CDH2: variants seen among roughly 807,000 people sequenced by gnomAD.
The protein encoded by CDH2 is cadherin-2.
In CDH2, 17 loss-of-function variants were observed where a neutral mutation model predicts 92.0. That is an observed-to-expected ratio of 0.18 (90% CI 0.13 to 0.28). The LOEUF (loss-of-function observed/expected upper bound fraction) is 0.28, where lower values mean the gene tolerates loss of function less well. Ranked by LOEUF, CDH2 falls within the 10% of genes least tolerant of loss-of-function variation. The pLI, the probability that CDH2 is intolerant of heterozygous loss-of-function variation, is 1.00. For missense variants in CDH2, 862 were observed against 1,133.1 expected, an observed-to-expected ratio of 0.76 and a Z score of 3.44; for synonymous variants, 419 against 415.9, an observed-to-expected ratio of 1.01 and a Z score of -0.09.
intron 14 of CDH2, among the ~76,000 whole-genome samples, chr18:27,970,303 T>C (rs1458575129): frequency 6.6e-6 from 1 of 152,174 alleles, no homozygotes; most frequent in Non-Finnish European, 1.5e-5. Context: ...GGGTTCCATG[T>C]TTTCACCTCG....
intron 15 of CDH2, among the ~76,000 whole-genome samples, chr18:27,957,648 G>A (rs8098761): frequency 0.36 from 53,943 of 151,872 alleles, 10,664 homozygotes; most frequent in Non-Finnish European, 0.46. Context: ...CCAACACACT[G>A]CCTGACATTC....
At chr18:28,007,165 A>AAAAAAAATATATATATATAT (rs1172779200) in intron 5 of CDH2, among the ~76,000 whole-genome samples, 1 of 110,502 alleles carries the variant, frequency 9.0e-6, no homozygotes, top group African/African-American at 4.4e-5. Context: ...ATAAAAAAAA[A>AAAAAAAATATATATATATAT]ATATATATAT....
At chr18:28,055,179 A>C (rs2144134289) in intron 2 of CDH2, among the ~76,000 whole-genome samples, 1 of 152,306 alleles carries the variant, frequency 6.6e-6, no homozygotes, top group Middle Eastern at 3.4e-3. Context: ...ATGAGAGCCA[A>C]GCAAAAGGGG....
intron 2 of CDH2, among the ~76,000 whole-genome samples, chr18:28,078,691 T>G (rs1271409469): frequency 1.3e-5 from 2 of 148,704 alleles, no homozygotes; most frequent in African/African-American, 5.0e-5. Context: ...TTTTTTTTTT[T>G]GCATGAAATA....
At chr18:28,105,730 C>T (rs1052458567) in intron 2 of CDH2, among the ~76,000 whole-genome samples, 1 of 152,076 alleles carries the variant, frequency 6.6e-6, no homozygotes, top group African/African-American at 2.4e-5. Flanking sequence ...GAAAAATATC[C>T]ACCCACATCA....
rs17522582 is a variant in CDH2 at position 28,017,528 on chromosome 18, G to A, written c.173-3619C>T. Among the ~76,000 whole-genome samples the A allele has an allele frequency of 9.2e-3, 1,392 of 151,920 alleles. 28 individuals are homozygous for A. The highest frequency in any genetic ancestry group is 0.032 in the African/African-American group (1,324 of 41,412). On this transcript the variant is annotated intron_variant, in intron 2 of 15. Coordinates refer to ENST00000269141, the MANE Select transcript of CDH2 (RefSeq NM_001792.5). ...TCTTTTCTTGGTTAATCTCGTTAAC[G>A]GTCTACTAGTTTTACTTATCTTTCA...
At chr18:28,071,711 C>T (rs576808364) in intron 2 of CDH2, among the ~76,000 whole-genome samples, 19 of 152,306 alleles carry the variant, frequency 1.2e-4, no homozygotes, top group African/African-American at 2.6e-4. Context: ...AATACTGTCA[C>T]TTAAGTATTC....
At chr18:27,996,850 C>T (rs1350118379) in intron 7 of CDH2, among the ~76,000 whole-genome samples, 2 of 152,182 alleles carry the variant, frequency 1.3e-5, no homozygotes. Context: ...AAGCCATCTT[C>T]TATTCACATG....
Position 27,951,080 on chromosome 18 carries a change from CTT to C in CDH2, c.*1071_*1072del, listed in dbSNP as rs1555627040. On this transcript the variant is annotated 3_prime_UTR_variant, in exon 16 of 16. Transcript: ENST00000269141. ...GTCAGAAGTCTCTCCAGTTTAAAAG[CTT>C]TTTTTTTTCCATTTTTTTTTTAAAA... 0.019 allele frequency: 2,733 copies of C among 144,382 alleles called. 43 individuals carry two copies. Among genetic ancestry groups the C allele is most frequent in the Non-Finnish European group, 0.029 (1,899 of 65,522 alleles). 8.9% of individuals were successfully genotyped at this position (144,382 alleles called of 1,614,324 possible).
intron 2 of CDH2, among the ~76,000 whole-genome samples, chr18:28,120,404 A>C (rs1447344809): frequency 6.6e-6 from 1 of 152,120 alleles, no homozygotes; most frequent in East Asian, 1.9e-4. Flanking sequence ...CCAACTGAGA[A>C]CTTGACTAAA....
At chr18:28,027,719 C>CA (rs2013592634) in intron 2 of CDH2, among the ~76,000 whole-genome samples, 1 of 152,072 alleles carries the variant, frequency 6.6e-6, no homozygotes, top group Non-Finnish European at 1.5e-5. Context: ...TTAAGCTGTT[C>CA]TTCACTTCAT....
In CDH2 at chr18:27,940,160, C is replaced by T. The variant is rs142013299; in HGVS notation, c.1152-7036G>A. 4.3e-4 allele frequency among the ~76,000 whole-genome samples: 65 copies of T among 152,312 alleles called. 2 individuals carry two copies. In the East Asian group the frequency reaches 0.011, roughly 27 times the overall value. On this transcript the variant is annotated intron_variant, in intron 6 of 6. Transcript: ENST00000675173. ...AATTATTCATGATAAACTTTCTGCA[C>T]GCTAATCTCAATCTCAGTATGCTTC...
At chr18:28,061,413 CAGAT>C (rs2014399535) in intron 2 of CDH2, among the ~76,000 whole-genome samples, 1 of 152,076 alleles carries the variant, frequency 6.6e-6, no homozygotes, top group African/African-American at 2.4e-5. Context: ...GAGGCCGAGA[CAGAT>C]AGACAACTTG....
intron 2 of CDH2, among the ~76,000 whole-genome samples, chr18:28,043,487 T>TATATATAA (rs1338663861): frequency 1.3e-5 from 1 of 75,242 alleles, no homozygotes; most frequent in Admixed American, 1.7e-4. Flanking sequence ...TATATATATA[T>TATATATAA]ATATATAAAT....
intron 2 of CDH2, among the ~76,000 whole-genome samples, chr18:28,022,271 A>G (rs1010196494): frequency 4.6e-5 from 7 of 152,054 alleles, no homozygotes; most frequent in Admixed American, 3.3e-4. Context: ...ACAGTTTTAC[A>G]GACAGGTTGA....
chr18:28,169,664 T>A (rs754923234), intron 1 of CDH2, among the ~76,000 whole-genome samples: 1 of 152,228 alleles, frequency 6.6e-6, no homozygotes, highest in African/African-American at 2.4e-5. Context: ...CTATCTAATT[T>A]TTAAATTATA....
At chr18:27,997,690 A>G (rs1164628185) in intron 7 of CDH2, among the ~76,000 whole-genome samples, 1 of 152,192 alleles carries the variant, frequency 6.6e-6, no homozygotes, top group African/African-American at 2.4e-5. Context: ...AATTCATCAT[A>G]AATCACGGGT....
intron 1 of CDH2, among the ~76,000 whole-genome samples, chr18:28,173,532 T>G (rs2016494705): frequency 6.6e-6 from 1 of 152,174 alleles, no homozygotes; most frequent in Non-Finnish European, 1.5e-5. Flanking sequence ...GTATACTTCA[T>G]ATGTTGAATA....
At chr18:28,126,204 T>C (rs2015674869) in intron 2 of CDH2, among the ~76,000 whole-genome samples, 1 of 152,180 alleles carries the variant, frequency 6.6e-6, no homozygotes, top group East Asian at 1.9e-4. Context: ...TGCATGACTG[T>C]TCGCTATATA....
Sources: gnomAD v4.1 joint callset for allele counts (sites outside exome capture counted in the v4.1 genomes callset) on GRCh38, gnomAD v4.1.1 for gene constraint, MANE v1.5 for transcripts, NCBI Gene and HGNC (gene_info 2026-07-23, HGNC 2026-07-21) for gene names.